Variants in CHP1 observed in about 807,000 individuals in gnomAD.
CHP1 encodes calcineurin like EF-hand protein 1, also known as calcineurin B homologous protein 1.
CHP1 carries 11 observed loss-of-function variants against 27.4 expected under a neutral mutation model. The ratio of observed to expected loss-of-function variants is 0.40; its 90% CI spans 0.25 to 0.67. The LOEUF (loss-of-function observed/expected upper bound fraction) is 0.67. Ranked by LOEUF, CHP1 falls within the 30% of genes least tolerant of loss-of-function variation. The pLI is 0.38. For synonymous variants in CHP1, 89 were observed against 87.4 expected (o/e 1.02, Z -0.10); for missense variants, 169 against 251.3 (o/e 0.67, Z 2.22).
chr15:41,244,253 G>A (rs1481265441), intron 2 of CHP1, among the ~76,000 whole-genome samples: 1 of 151,128 alleles, frequency 6.6e-6, no homozygotes, highest in East Asian at 1.9e-4. Flanking sequence ...ACAGATGTGT[G>A]TTGCTTTATT....
chr15:41,234,363 T>C (rs2047266668), intron 1 of CHP1: 1 of 152,222 alleles, frequency 6.6e-6, no homozygotes, highest in African/African-American at 2.4e-5. Context: ...CATTTTCATC[T>C]GCCTTTTCTT....
chr15:41,271,214 C>T (rs1401890037), intron 5 of CHP1, among the ~76,000 whole-genome samples: 1 of 147,652 alleles, frequency 6.8e-6, no homozygotes, highest in African/African-American at 2.5e-5. Flanking sequence ...GAGCTCACTC[C>T]ACTGCACTCC....
intron 1 of CHP1, among the ~76,000 whole-genome samples, chr15:41,237,654 T>G (rs1288112142): frequency 6.6e-6 from 1 of 152,228 alleles, no homozygotes; most frequent in Non-Finnish European, 1.5e-5. Flanking sequence ...TAGCTGTACT[T>G]GTAATCTTTA....
At chr15:41,276,503 A>C (rs569482146) in intron 5 of CHP1, among the ~76,000 whole-genome samples, 2 of 152,292 alleles carry the variant, frequency 1.3e-5, no homozygotes, top group South Asian at 4.1e-4. Context: ...TATTTTGTTT[A>C]AGGAAGCAAT....
At chr15:41,236,112 T>C (rs2047275588) in intron 1 of CHP1, among the ~76,000 whole-genome samples, 1 of 150,306 alleles carries the variant, frequency 6.7e-6, no homozygotes, top group African/African-American at 2.5e-5. Context: ...AGGGTCTCAC[T>C]CTGTTGCCCA....
chr15:41,246,278 C>A (rs926544467), intron 2 of CHP1, among the ~76,000 whole-genome samples: 1 of 150,732 alleles, frequency 6.6e-6, no homozygotes, highest in Non-Finnish European at 1.5e-5. Context: ...ATCATGTTTG[C>A]TGTGTGCTGG....
rs536147264 is a variant in CHP1, at chr15:41,264,500, G to A, written c.349+1617G>A. 8.5e-5 allele frequency among the ~76,000 whole-genome samples: 13 copies of A among 152,300 alleles called. No homozygotes were observed. The South Asian group carries it at 2.5e-3, about 29-fold the overall frequency. The stretch of plus-strand genomic sequence containing the variant: ...TGTCACCCAGGCTGAGTGCAGTGGC[G>A]TGATCACAGCTCACTATGGCCTTGA... On this transcript the variant is annotated intron_variant, in intron 4 of 6. Transcript: ENST00000334660.
At chr15:41,236,640 C>T (rs1398895247) in intron 1 of CHP1, among the ~76,000 whole-genome samples, 1 of 152,090 alleles carries the variant, frequency 6.6e-6, no homozygotes, top group East Asian at 1.9e-4. Flanking sequence ...AGATAATTGA[C>T]CCCAGCAGCA....
rs552463606 is a variant in CHP1, at chr15:41,258,300, A to G, written c.221+1310A>G. Among the ~76,000 whole-genome samples, 30 of 152,322 alleles carry G rather than the reference A, an allele frequency of 2.0e-4. 1 individual carries two copies. The highest frequency in any genetic ancestry group is 1.0e-3 in the South Asian group (5 of 4,828). On this transcript the variant is annotated intron_variant, in intron 3 of 6. Transcript: ENST00000334660. ...AATAGGGACATTCTTTTACATATCC[A>G]TAGTATAGTTATCTACTTCAGTAAA...
At chr15:41,236,903 C>T (rs2047279772) in intron 1 of CHP1, among the ~76,000 whole-genome samples, 1 of 150,620 alleles carries the variant, frequency 6.6e-6, no homozygotes, top group Non-Finnish European at 1.5e-5. Context: ...GATCTCAGCT[C>T]ACTGCAACCT....
chr15:41,276,374 CAG>C (rs1205911788), intron 5 of CHP1, among the ~76,000 whole-genome samples: 1 of 152,122 alleles, frequency 6.6e-6, no homozygotes, highest in Non-Finnish European at 1.5e-5. Flanking sequence ...CATCTGAAGA[CAG>C]AGGTGGCTGA....
At chr15:41,273,593 G>A (rs762124956) in intron 5 of CHP1, among the ~76,000 whole-genome samples, 3 of 151,588 alleles carry the variant, frequency 2.0e-5, no homozygotes, top group Non-Finnish European at 4.4e-5. Context: ...GTTGGTCAGG[G>A]TGGTGTCGAT....
intron 4 of CHP1, among the ~76,000 whole-genome samples, chr15:41,269,270 A>G (rs904794376): frequency 6.6e-6 from 1 of 152,296 alleles, no homozygotes; most frequent in South Asian, 2.1e-4. Flanking sequence ...AAATACATAT[A>G]TATGAAGTCT....
At chr15:41,262,951 A>G in intron 4 of CHP1, 68 bp downstream of exon 4, 1 of 1,582,086 alleles carries the variant, frequency 6.3e-7, no homozygotes, top group Non-Finnish European at 8.6e-7. Context: ...GTATTTACTC[A>G]CTCATTATTT....
intron 1 of CHP1, among the ~76,000 whole-genome samples, chr15:41,240,684 C>A (rs866882039): frequency 2.9e-5 from 4 of 139,522 alleles, no homozygotes; most frequent in African/African-American, 1.1e-4. Context: ...ACCCAGAAGG[C>A]GGAGGTTGTG....
rs1457672964 is a variant in CHP1 at position 41,231,275 on chromosome 15, A to C, written c.-108A>C. Reference sequence around the variant, plus strand: ...GTTCCCTCCCGGGTCCGCAGTGGAAACACTGCCCTCTCCCTTCTTGACCCC... The same window carrying C: ...GTTCCCTCCCGGGTCCGCAGTGGAACCACTGCCCTCTCCCTTCTTGACCCC... On this transcript the variant is annotated 5_prime_UTR_variant, in exon 1 of 7. Coordinates refer to ENST00000334660, the MANE Select transcript of CHP1 (RefSeq NM_007236.5). 8.7e-7 allele frequency: 1 copy of C among 1,144,466 alleles called. No individual in the cohort carries two copies. Among genetic ancestry groups the C allele is most frequent in the East Asian group, 2.6e-5 (1 of 38,844 alleles). 70.9% of individuals were successfully genotyped at this position (1,144,466 alleles called of 1,614,324 possible).
chr15:41,274,861 G>T (rs2047511752), intron 5 of CHP1, among the ~76,000 whole-genome samples: 1 of 145,734 alleles, frequency 6.9e-6, no homozygotes, highest in South Asian at 2.2e-4. Context: ...CATGATCTCA[G>T]CTCACTGCGA....
At chr15:41,273,877 G>T (rs952647731) in intron 5 of CHP1, among the ~76,000 whole-genome samples, 1 of 151,422 alleles carries the variant, frequency 6.6e-6, no homozygotes, top group Non-Finnish European at 1.5e-5. Context: ...GGAGGAGGAG[G>T]TTGCAGTGAG....
At chr15:41,232,318 C>G (rs1429648354) in intron 1 of CHP1, among the ~76,000 whole-genome samples, 1 of 150,488 alleles carries the variant, frequency 6.6e-6, no homozygotes, top group Admixed American at 6.7e-5. Context: ...TCAAGCAGTT[C>G]TCCTGCCTCA....
Sources: gnomAD v4.1 joint callset for allele counts (sites outside exome capture counted in the v4.1 genomes callset) on GRCh38, gnomAD v4.1.1 for gene constraint, MANE v1.5 for transcripts, NCBI Gene and HGNC (gene_info 2026-07-23, HGNC 2026-07-21) for gene names.